The following AKAP9 variants were observed in gnomAD, a reference collection of about 807,000 sequenced individuals.
The protein encoded by AKAP9 is A-kinase anchor protein 9.
Under a neutral mutation model 488.5 loss-of-function variants are expected in AKAP9, and 311 were observed. That is an observed-to-expected ratio of 0.64 (90% confidence interval 0.58 to 0.70). AKAP9 has a LOEUF of 0.70. Ranked by LOEUF, AKAP9 falls within the 30% of genes least tolerant of loss-of-function variation. AKAP9 has a pLI of 0.00. For synonymous variants in AKAP9, 1,462 were observed against 1,483.5 expected (o/e 0.99, Z 0.33); for missense variants, 4,215 against 4,374.5 (o/e 0.96, Z 1.03).
At chr7:92,101,685 A>G (rs1817544125) in intron 45 of AKAP9, among the ~76,000 whole-genome samples, 1 of 152,204 alleles carries the variant, frequency 6.6e-6, no homozygotes, top group Non-Finnish European at 1.5e-5. Flanking sequence ...TTGTCAATGT[A>G]AGAACATCAT....
intron 1 of AKAP9, among the ~76,000 whole-genome samples, chr7:91,949,262 C>T (rs930344475): frequency 6.6e-6 from 1 of 152,040 alleles, no homozygotes; most frequent in African/African-American, 2.4e-5. Flanking sequence ...GGATTATCTT[C>T]CATATATATA....
intron 46 of AKAP9, among the ~76,000 whole-genome samples, chr7:92,103,906 T>C (rs1047159357): frequency 6.6e-6 from 1 of 152,114 alleles, no homozygotes; most frequent in African/African-American, 2.4e-5. Flanking sequence ...CTTTAAGGCA[T>C]TGGATTTTTG....
chr7:92,019,921 A>G (rs6465345), intron 12 of AKAP9, among the ~76,000 whole-genome samples: 86,475 of 151,642 alleles, frequency 0.57, 25,935 homozygotes, highest in African/African-American at 0.77. Context: ...GGCTGATGCA[A>G]GAGAATTGCT....
chr7:91,970,409 T>A, intron 1 of AKAP9: 1 of 445,586 alleles, frequency 2.2e-6, no homozygotes, highest in East Asian at 7.0e-5. Flanking sequence ...CGTACTTAAT[T>A]TTACTAGTGG....
At chr7:92,082,447 A>C in intron 31 of AKAP9, 75 bp from the exon 32 acceptor site, 1 of 1,502,264 alleles carries the variant, frequency 6.7e-7, no homozygotes, top group Non-Finnish European at 9.2e-7. Flanking sequence ...TGGTTTTATT[A>C]GAATGTATAA....
intron 14 of AKAP9, 24 bp downstream of exon 14, chr7:92,023,033 T>A: frequency 6.3e-7 from 1 of 1,599,284 alleles, no homozygotes; most frequent in Non-Finnish European, 8.6e-7. Flanking sequence ...TATAGCTTCA[T>A]TCAACAGTAT....
Position 92,089,510 on chromosome 7 carries a change from G to A in AKAP9, c.9339G>A (p.Glu3113=). The A allele has an allele frequency of 6.2e-7, 1 of 1,613,458 alleles. No individual in the cohort carries two copies. Among genetic ancestry groups the A allele is most frequent in the Non-Finnish European group, 8.5e-7 (1 of 1,179,642 alleles). The part of the protein sequence containing the change: ...GRKITLKREQ[E]SEKPSQELLE... The stretch of plus-strand genomic sequence containing the variant: ...AAATTACTCTGAAAAGAGAACAAGA[G>A]AGTGAGAAACCAAGCCAAGGTATGT... The change falls in exon 38 of 50, where the codon GAG becomes GAA. Residue 3113 remains glutamate (E), a synonymous_variant. Transcript: ENST00000356239.
At chr7:92,062,577 C>T (rs773022668) in intron 24 of AKAP9, 91 bp downstream of exon 24, 77 of 997,476 alleles carry the variant, frequency 7.7e-5, no homozygotes, top group Non-Finnish European at 1.2e-4. Flanking sequence ...CTTTCAGTGC[C>T]ATTATTCATA....
At position 91,957,160 on chromosome 7, in the gene AKAP9, A is replaced by G. The variant is rs1280617120; in HGVS notation, c.48+16013A>G. On this transcript the variant is annotated intron_variant, in intron 1 of 49. Coordinates refer to ENST00000356239, the MANE Select transcript of AKAP9 (RefSeq NM_005751.5). ...TGTTTACTAATAGTTTTAGATCCCAATGTGTATTAGAATTATAGCTACAAA... is the reference window on the plus strand; with the variant it reads ...TGTTTACTAATAGTTTTAGATCCCAGTGTGTATTAGAATTATAGCTACAAA... Among the ~76,000 whole-genome samples, 8 of 152,116 alleles carry G rather than the reference A, an allele frequency of 5.3e-5. No individual in the cohort carries two copies. The South Asian group carries it at 8.3e-4, about 16-fold the overall frequency.
At chr7:91,995,574 A>G in intron 6 of AKAP9, 29 bp from the exon 7 acceptor site, 1 of 1,605,316 alleles carries the variant, frequency 6.2e-7, no homozygotes, top group South Asian at 1.1e-5. Flanking sequence ...TTCAGAATTT[A>G]ACGTTTTGAG....
chr7:92,009,470 T>C (rs1002015256), intron 8 of AKAP9, among the ~76,000 whole-genome samples: 7 of 152,152 alleles, frequency 4.6e-5, no homozygotes, highest in Non-Finnish European at 8.8e-5. Flanking sequence ...TTTGAAATCA[T>C]AGAGATTTTC....
intron 7 of AKAP9, among the ~76,000 whole-genome samples, chr7:91,999,870 A>C (rs1798923346): frequency 6.6e-6 from 1 of 151,970 alleles, no homozygotes; most frequent in South Asian, 2.1e-4. Context: ...TCATTCATTC[A>C]TTCATTCATT....
chr7:92,110,545 T>G lies in AKAP9; in HGVS notation c.*386T>G, dbSNP rs1819172651. ...GAAGTTACATGTTTTGCCTAATATA[T>G]TCTACTGGTGATGAAGACAGATAAT... On this transcript the variant is annotated 3_prime_UTR_variant, in exon 50 of 50. Transcript: ENST00000356239. The G allele has an allele frequency of 3.8e-6, 1 of 264,070 alleles. No individual in the cohort carries two copies. The highest frequency in any genetic ancestry group is 5.0e-5 in the Admixed American group (1 of 19,846). 16.4% of individuals were successfully genotyped at this position (264,070 alleles called of 1,614,324 possible). A position where few individuals can be genotyped will look rare whatever the true frequency, so the allele number is the denominator to read the frequency against.
intron 29 of AKAP9, 148 bp downstream of exon 29, chr7:92,077,155 G>C (rs1478490125): frequency 3.7e-6 from 1 of 269,296 alleles, no homozygotes; most frequent in East Asian, 7.5e-5. Context: ...GAGTGCAATG[G>C]TGTGATCTCG....
chr7:92,067,268 G>A (rs1415413631), intron 26 of AKAP9, among the ~76,000 whole-genome samples: 1 of 152,098 alleles, frequency 6.6e-6, no homozygotes, highest in Non-Finnish European at 1.5e-5. Context: ...TCCAGCATTG[G>A]ATATCCAGTG....
chr7:92,083,429 A>G lies in AKAP9; in HGVS notation c.8420A>G (p.Asn2807Ser). 1 of 1,614,092 alleles carries G rather than the reference A, an allele frequency of 6.2e-7. No individual in the cohort carries two copies. Among genetic ancestry groups the G allele is most frequent in the Non-Finnish European group, 8.5e-7 (1 of 1,179,996 alleles). Residue 2807 changes from asparagine to serine, a missense_variant, in exon 33 of 50, where the codon AAT (asparagine) becomes AGT (serine). By Grantham distance (46) the Asn-to-Ser change is conservative (BLOSUM62 1). Coordinates refer to ENST00000356239, the MANE Select transcript of AKAP9 (RefSeq NM_005751.5). ...GTTAAAAATGCAGGAATACAAATTA[A>G]TTTACAGAGTGAATGTTCCTCAGAA... Reference protein sequence around the residue: ...ILVKNAGIQINLQSECSSEEV... With the variant: ...ILVKNAGIQISLQSECSSEEV...
At chr7:92,045,371 T>C (rs533770470) in intron 21 of AKAP9, among the ~76,000 whole-genome samples, 158 bp downstream of exon 21, 9 of 152,342 alleles carry the variant, frequency 5.9e-5, no homozygotes, top group Non-Finnish European at 1.3e-4. Context: ...TCAAACACCA[T>C]TATTGTATAG....
At chr7:91,952,161 G>A (rs533890832) in intron 1 of AKAP9, among the ~76,000 whole-genome samples, 18 of 152,244 alleles carry the variant, frequency 1.2e-4, no homozygotes, top group Admixed American at 1.0e-3. Flanking sequence ...AAGTCAGTGG[G>A]AATTCAGAGA....
chr7:92,085,953 A>T (rs1401283197), intron 36 of AKAP9, among the ~76,000 whole-genome samples: 2 of 152,006 alleles, frequency 1.3e-5, no homozygotes, highest in Non-Finnish European at 2.9e-5. Flanking sequence ...AAATACAAAA[A>T]TTAGCCAGGC....
Sources: allele counts gnomAD v4.1 joint callset (sites outside exome capture counted in the v4.1 genomes callset), GRCh38; gene constraint gnomAD v4.1.1; transcripts MANE v1.5; gene names NCBI Gene and HGNC (gene_info 2026-07-23, HGNC 2026-07-21).